INPP5A: variants seen among roughly 807,000 people sequenced by gnomAD.
INPP5A encodes 43 kDa inositol polyphosphate 5-phophatase.
INPP5A carries 14 observed loss-of-function variants against 65.2 expected under a neutral mutation model. That is an observed-to-expected ratio of 0.21 (90% confidence interval 0.14 to 0.34). The LOEUF (loss-of-function observed/expected upper bound fraction) is 0.34, where lower values mean the gene tolerates loss of function less well. Among genes scored for constraint, INPP5A ranks in the 10% least tolerant of loss-of-function variants. The probability of loss-of-function intolerance (pLI) is 1.00; values close to 1 mark genes in which losing one functional copy is unlikely to be tolerated. For synonymous variants in INPP5A, 207 were observed against 208.3 expected, an observed-to-expected ratio of 0.99 and a Z score of 0.05; for missense variants, 431 against 545.6, an observed-to-expected ratio of 0.79 and a Z score of 2.09.
chr10:132,757,327 C>A (rs957433292), intron 11 of INPP5A, among the ~76,000 whole-genome samples: 2 of 152,380 alleles, frequency 1.3e-5, no homozygotes, highest in African/African-American at 4.8e-5. Flanking sequence ...CAGCTCCCTT[C>A]GCGAGCGGGG....
At chr10:132,661,737 T>C (rs1334514249) in intron 4 of INPP5A, among the ~76,000 whole-genome samples, 3 of 152,182 alleles carry the variant, frequency 2.0e-5, no homozygotes, top group African/African-American at 7.2e-5. Flanking sequence ...AAAACAACTT[T>C]GAACATGAAT....
chr10:132,747,957 G>T (rs1468580729), intron 9 of INPP5A, among the ~76,000 whole-genome samples: 2 of 152,104 alleles, frequency 1.3e-5, no homozygotes, highest in African/African-American at 2.4e-5. Flanking sequence ...GGCTGAGGTG[G>T]GAGAATCACT....
chr10:132,642,637 CTGGCCTTTGT>C (rs2072440733), intron 2 of INPP5A, among the ~76,000 whole-genome samples: 2 of 152,226 alleles, frequency 1.3e-5, no homozygotes, highest in African/African-American at 4.8e-5. Flanking sequence ...TTGAGCAGGC[CTGGCCTTTGT>C]TGGGCTTTGC....
rs1169440697 is a variant in INPP5A, at chr10:132,575,774, G to A, written c.76-32141G>A. Among the ~76,000 whole-genome samples the A allele has an allele frequency of 6.6e-6, 1 of 152,116 alleles. No individual in the cohort carries two copies. Among genetic ancestry groups the A allele is most frequent in the Admixed American group, 6.5e-5 (1 of 15,278 alleles). ...GGCCGTGGGCTCCCGCGTGGTGTGT[G>A]CGGCCCAGGGCCCTGGCAGTGGGGA... On this transcript the variant is annotated intron_variant, in intron 1 of 15. Transcript: ENST00000368594. The surrounding 1 kb of genome is among the most constrained non-coding windows in gnomAD (Gnocchi z 5.4).
rs975910650 is a variant in INPP5A, at chr10:132,547,165, C to T, written c.75+8994C>T. Among the ~76,000 whole-genome samples the T allele has an allele frequency of 8.5e-5, 13 of 152,244 alleles. No homozygotes were observed. The highest frequency in any genetic ancestry group is 1.5e-4 in the Non-Finnish European group (10 of 68,044). ...CAGGCCCCACCTCTCCTCGCATGTGCGGCCTTGGGCTGTGTTTCACCTGTC... is the reference window on the plus strand; with the variant it reads ...CAGGCCCCACCTCTCCTCGCATGTGTGGCCTTGGGCTGTGTTTCACCTGTC... On this transcript the variant is annotated intron_variant, in intron 1 of 15. Transcript: ENST00000368594. The surrounding 1 kb of genome is among the most constrained non-coding windows in gnomAD (Gnocchi z 5.5).
At chr10:132,578,875 A>C (rs2071444511) in intron 1 of INPP5A, among the ~76,000 whole-genome samples, 1 of 152,132 alleles carries the variant, frequency 6.6e-6, no homozygotes, top group South Asian at 2.1e-4. Flanking sequence ...CCGTAGTCTT[A>C]GGGAGGGTGG....
intron 1 of INPP5A, among the ~76,000 whole-genome samples, chr10:132,606,993 C>G (rs1353472913): frequency 6.6e-6 from 1 of 152,230 alleles, no homozygotes; most frequent in Admixed American, 6.5e-5. Flanking sequence ...TCTGTCCCCT[C>G]ACGGTGGGCG....
In INPP5A at chr10:132,659,904, C is replaced by T. The variant is rs2072713080; in HGVS notation, c.306+9399C>T. On this transcript the variant is annotated intron_variant, in intron 4 of 15. Coordinates refer to ENST00000368594, the MANE Select transcript of INPP5A (RefSeq NM_005539.5). This position sits in a 1 kb window ranked among gnomAD's most constrained non-coding sequence, Gnocchi z 5.5. The stretch of plus-strand genomic sequence containing the variant: ...CTCCAGAAACCTGAGGACATGCAGC[C>T]TGCAGCTCCTGACACATGACATGTG... Among the ~76,000 whole-genome samples the T allele has an allele frequency of 6.6e-6, 1 of 152,258 alleles. No individual in the cohort carries two copies. Among genetic ancestry groups the T allele is most frequent in the African/African-American group, 2.4e-5 (1 of 41,468 alleles).
intron 2 of INPP5A, among the ~76,000 whole-genome samples, chr10:132,634,662 G>A (rs553638971): frequency 1.3e-5 from 2 of 152,352 alleles, no homozygotes; most frequent in South Asian, 2.1e-4. Flanking sequence ...TCTGCCCAGT[G>A]TGTTTTTTGT....
At chr10:132,685,208 C>G (rs2073099587) in intron 4 of INPP5A, among the ~76,000 whole-genome samples, 1 of 152,250 alleles carries the variant, frequency 6.6e-6, no homozygotes, top group Admixed American at 6.5e-5. Flanking sequence ...CAGGGCTCCC[C>G]TGGGCCGCGG....
intron 3 of INPP5A, among the ~76,000 whole-genome samples, chr10:132,649,192 G>A (rs187000084): frequency 1.3e-5 from 2 of 152,212 alleles, no homozygotes; most frequent in Non-Finnish European, 2.9e-5. Flanking sequence ...TTTTATTTCT[G>A]ACATTGTGTT....
intron 2 of INPP5A, among the ~76,000 whole-genome samples, chr10:132,635,481 C>T (rs560493729): frequency 3.8e-5 from 5 of 131,996 alleles, no homozygotes; most frequent in African/African-American, 5.7e-5. Flanking sequence ...CTGCAAACTC[C>T]GCCTCCCGGG....
At chr10:132,656,313 A>G (rs1481107705) in intron 4 of INPP5A, among the ~76,000 whole-genome samples, 1 of 152,258 alleles carries the variant, frequency 6.6e-6, no homozygotes, top group Non-Finnish European at 1.5e-5. Context: ...AGAAGTTTGA[A>G]GAAACCATGC....
intron 2 of INPP5A, among the ~76,000 whole-genome samples, chr10:132,618,949 A>T (rs562023747): frequency 1.8e-4 from 28 of 152,312 alleles, no homozygotes; most frequent in Non-Finnish European, 1.8e-4. Flanking sequence ...CTCCTCTAAC[A>T]CTGGGGACAC....
chr10:132,576,193 T>C (rs2071410720), intron 1 of INPP5A, among the ~76,000 whole-genome samples: 1 of 152,194 alleles, frequency 6.6e-6, no homozygotes, highest in East Asian at 1.9e-4. Context: ...GGTCCGGGGC[T>C]GTGGCTCTGC....
chr10:132,577,846 G>A (rs1054470603), intron 1 of INPP5A, among the ~76,000 whole-genome samples: 2 of 152,208 alleles, frequency 1.3e-5, no homozygotes, highest in Non-Finnish European at 2.9e-5. Flanking sequence ...TTCCAGCCTC[G>A]TTGGTTACTC....
intron 1 of INPP5A, among the ~76,000 whole-genome samples, chr10:132,598,000 C>A (rs899460233): frequency 6.6e-6 from 1 of 152,232 alleles, no homozygotes; most frequent in African/African-American, 2.4e-5. Flanking sequence ...CATAGTGACT[C>A]TGGGCCTTTT....
In INPP5A at chr10:132,727,001, G is replaced by A. The variant is rs1330364410; in HGVS notation, c.732+96G>A. 1.3e-6 allele frequency: 1 copy of A among 745,724 alleles called. No homozygotes were observed. The highest frequency in any genetic ancestry group is 1.8e-5 in the African/African-American group (1 of 56,072). 46.2% of individuals were successfully genotyped at this position (745,724 alleles called of 1,614,324 possible). ...GTGGCCCCTTACTGGCACTTTCAATGCCATCCGCCTCCCGGGATGCACTTT... is the reference window on the plus strand; with the variant it reads ...GTGGCCCCTTACTGGCACTTTCAATACCATCCGCCTCCCGGGATGCACTTT... On this transcript the variant is annotated intron_variant, in intron 9 of 15. Transcript: ENST00000368594. The surrounding 1 kb of genome is among the most constrained non-coding windows in gnomAD (Gnocchi z 6.5).
At chr10:132,737,792 T>C (rs1846203902) in intron 9 of INPP5A, among the ~76,000 whole-genome samples, 1 of 152,280 alleles carries the variant, frequency 6.6e-6, no homozygotes, top group Non-Finnish European at 1.5e-5. Context: ...AAATTTATTT[T>C]TTAATTTTTC....
Sources: allele counts gnomAD v4.1 joint callset (sites outside exome capture counted in the v4.1 genomes callset), GRCh38; gene constraint gnomAD v4.1.1; non-coding constraint Gnocchi (gnomAD v3.1); transcripts MANE v1.5; gene names NCBI Gene and HGNC (gene_info 2026-07-23, HGNC 2026-07-21).